The following HECW2 variants were observed in gnomAD, a reference collection of about 807,000 sequenced individuals.
HECW2 encodes E3 ubiquitin-protein ligase HECW2.
A neutral mutation model predicts 175.2 loss-of-function variants in HECW2; 61 were observed. The ratio of observed to expected loss-of-function variants is 0.35; its 90% confidence interval spans 0.28 to 0.43. The LOEUF is 0.43. Ranked by LOEUF, HECW2 falls within the 20% of genes least tolerant of loss-of-function variation. HECW2 has a pLI of 1.00. For missense variants in HECW2, 1,524 were observed against 2,000.5 expected, an observed-to-expected ratio of 0.76 and a Z score of 4.54; for synonymous variants, 671 against 731.0, an observed-to-expected ratio of 0.92 and a Z score of 1.32.
intron 1 of HECW2, among the ~76,000 whole-genome samples, chr2:196,485,155 A>C (rs1005932536): frequency 2.0e-5 from 3 of 152,206 alleles, no homozygotes. Context: ...CCATTGGAGA[A>C]AAGAAAATAT....
chr2:196,240,909 G>A (rs936272090), intron 20 of HECW2, among the ~76,000 whole-genome samples: 1 of 151,962 alleles, frequency 6.6e-6, no homozygotes, highest in Non-Finnish European at 1.5e-5. Context: ...ATTTTGTTTA[G>A]TAAAGCAAGA....
chr2:196,327,476 A>G (rs1692197535), intron 5 of HECW2, among the ~76,000 whole-genome samples: 1 of 152,242 alleles, frequency 6.6e-6, no homozygotes, highest in South Asian at 2.1e-4. Context: ...AATATCCTAA[A>G]TAAAGCCTTA....
chr2:196,245,117 T>C (rs1688598521), intron 19 of HECW2, among the ~76,000 whole-genome samples: 1 of 152,084 alleles, frequency 6.6e-6, no homozygotes, highest in Non-Finnish European at 1.5e-5. Flanking sequence ...ATGTGAAATA[T>C]GCACTGGGAA....
chr2:196,344,570 G>A lies in HECW2; in HGVS notation c.293-806C>T, dbSNP rs759702493. Among the ~76,000 whole-genome samples, 13 of 152,072 alleles carry A rather than the reference G, an allele frequency of 8.5e-5. No homozygotes were observed. The South Asian group carries it at 1.2e-3, about 15-fold the overall frequency. ...TGCCCCCAGCACCCTGAGGACTGGG[G>A]ATTCATATTCTATAATTTGCTCACA... is the stretch of plus-strand genomic sequence containing the variant. On this transcript the variant is annotated intron_variant, in intron 2 of 28. Transcript: ENST00000644978.
At chr2:196,297,975 G>T (rs765674812) in intron 13 of HECW2, among the ~76,000 whole-genome samples, 1 of 152,082 alleles carries the variant, frequency 6.6e-6, no homozygotes, top group African/African-American at 2.4e-5. Flanking sequence ...ATCTACAAAT[G>T]ATCAATTCAT....
At chr2:196,496,335 T>C (rs931494467) in intron 1 of HECW2, among the ~76,000 whole-genome samples, 2 of 152,108 alleles carry the variant, frequency 1.3e-5, no homozygotes, top group African/African-American at 4.8e-5. Context: ...TCTGATAATA[T>C]TTTCTTTTTA....
At chr2:196,239,794 C>T (rs1327584761) in intron 21 of HECW2, 1 of 152,178 alleles carries the variant, frequency 6.6e-6, no homozygotes, top group Non-Finnish European at 1.5e-5. Flanking sequence ...TCTATTTGGG[C>T]ACAACAGACA....
At chr2:196,233,828 G>T (rs975254015) in intron 21 of HECW2, among the ~76,000 whole-genome samples, 1 of 152,110 alleles carries the variant, frequency 6.6e-6, no homozygotes, top group African/African-American at 2.4e-5. Flanking sequence ...CCAAGCTCAG[G>T]GCCTCAAACA....
chr2:196,488,813 G>A (rs1221898821), intron 1 of HECW2, among the ~76,000 whole-genome samples: 2 of 152,052 alleles, frequency 1.3e-5, no homozygotes, highest in East Asian at 3.9e-4. Context: ...GGTCAAAATA[G>A]GATCTAGCCT....
At chr2:196,394,441 C>T (rs1379698470) in intron 2 of HECW2, among the ~76,000 whole-genome samples, 2 of 152,106 alleles carry the variant, frequency 1.3e-5, no homozygotes, top group Admixed American at 1.3e-4. Context: ...ACTAAAATCT[C>T]ATGTTTTAAA....
intron 1 of HECW2, among the ~76,000 whole-genome samples, chr2:196,436,756 T>TC (rs933438415): frequency 1.3e-5 from 2 of 151,770 alleles, no homozygotes; most frequent in Non-Finnish European, 2.9e-5. Context: ...AGGTTTTTTT[T>TC]TTTTTCAATT....
At chr2:196,278,415 CAAAAAAAA>C in intron 15 of HECW2, 105 bp downstream of exon 15, 4 of 943,224 alleles carry the variant, frequency 4.2e-6, no homozygotes, top group Non-Finnish European at 5.8e-6. Context: ...AAATCAAACT[CAAAAAAAA>C]AAAAAAGAAA....
intron 21 of HECW2, among the ~76,000 whole-genome samples, chr2:196,236,918 T>C (rs978938574): frequency 3.3e-5 from 5 of 152,228 alleles, no homozygotes; most frequent in Non-Finnish European, 5.9e-5. Flanking sequence ...TTCCATACTA[T>C]ACTATTTGGA....
At chr2:196,297,296 C>T (rs562933664) in intron 13 of HECW2, among the ~76,000 whole-genome samples, 3 of 152,274 alleles carry the variant, frequency 2.0e-5, no homozygotes, top group African/African-American at 7.2e-5. Flanking sequence ...TCTCATCGTC[C>T]TAGCAAGAAA....
At chr2:196,228,457 GGA>G (rs1380504101) in intron 21 of HECW2, among the ~76,000 whole-genome samples, 5 of 152,114 alleles carry the variant, frequency 3.3e-5, no homozygotes, top group Non-Finnish European at 7.4e-5. Context: ...ACATTTATGT[GGA>G]GCATACCTAA....
In HECW2 at chr2:196,549,460, C is replaced by CT. The variant is rs370114651; in HGVS notation, c.-36+44047dup. Among the ~76,000 whole-genome samples the CT allele has an allele frequency of 7.2e-5, 11 of 152,030 alleles. No homozygotes were observed. In the South Asian group the frequency reaches 1.2e-3, roughly 17 times the overall value. On this transcript the variant is annotated intron_variant, in intron 1 of 28. Transcript: ENST00000644978. ...GATATTGTAATACATTATTTAGAGT[C>CT]TTTTTTTTACTCAAGATATTTGTAA...
chr2:196,225,340 G>A (rs1687813789), intron 23 of HECW2, among the ~76,000 whole-genome samples: 1 of 152,164 alleles, frequency 6.6e-6, no homozygotes, highest in African/African-American at 2.4e-5. Context: ...AGATTTGAAC[G>A]AGGAGTAAGC....
At chr2:196,317,048 T>A (rs529898087) in intron 10 of HECW2, 25 of 474,918 alleles carry the variant, frequency 5.3e-5, no homozygotes, top group Non-Finnish European at 8.4e-5. Flanking sequence ...ATTTACCCCA[T>A]GGGCAACACA....
intron 10 of HECW2, among the ~76,000 whole-genome samples, chr2:196,311,594 T>C (rs1411785829): frequency 6.6e-6 from 1 of 152,084 alleles, no homozygotes; most frequent in Non-Finnish European, 1.5e-5. Flanking sequence ...GCCAGGAGTT[T>C]GAGACCAGCC....
Sources: allele counts gnomAD v4.1 joint callset (sites outside exome capture counted in the v4.1 genomes callset), GRCh38; gene constraint gnomAD v4.1.1; transcripts MANE v1.5; gene names NCBI Gene and HGNC (gene_info 2026-07-23, HGNC 2026-07-21).